USP43: variants seen among roughly 807,000 people sequenced by gnomAD.
USP43 encodes ubiquitin carboxyl-terminal hydrolase 43.
In USP43, 33 loss-of-function variants were observed where a neutral mutation model predicts 90.7. The ratio of observed to expected loss-of-function variants is 0.36; its 90% CI spans 0.28 to 0.49. USP43 has a LOEUF of 0.49. Among genes scored for constraint, USP43 ranks in the 20% least tolerant of loss-of-function variants. The pLI is 0.98. For synonymous variants in USP43, 598 were observed against 615.8 expected (o/e 0.97, Z 0.43); for missense variants, 1,274 against 1,476.4 (o/e 0.86, Z 2.25).
At chr17:9,648,606 TA>T (rs1216377121) in intron 1 of USP43, among the ~76,000 whole-genome samples, 3 of 151,948 alleles carry the variant, frequency 2.0e-5, no homozygotes, top group African/African-American at 7.3e-5. Flanking sequence ...CCTGGAGAGG[TA>T]ACCAACCGCT....
chr17:9,711,711 G>A (rs1382999136), intron 13 of USP43, among the ~76,000 whole-genome samples: 1 of 152,178 alleles, frequency 6.6e-6, no homozygotes, highest in Non-Finnish European at 1.5e-5. Context: ...CATTACAGGC[G>A]TGAGCCACCG....
At chr17:9,677,310 C>T (rs1913848391) in intron 5 of USP43, among the ~76,000 whole-genome samples, 1 of 152,186 alleles carries the variant, frequency 6.6e-6, no homozygotes, top group Admixed American at 6.5e-5. Flanking sequence ...ACGTCACTAG[C>T]TAGTAAGTGG....
intron 2 of USP43, among the ~76,000 whole-genome samples, chr17:9,657,022 T>G (rs1912303183): frequency 6.6e-6 from 1 of 152,152 alleles, no homozygotes; most frequent in Non-Finnish European, 1.5e-5. Context: ...CCCCAAACCT[T>G]TCAGAGGAGG....
At chr17:9,649,560 A>G (rs954787224) in intron 1 of USP43, among the ~76,000 whole-genome samples, 8 of 150,254 alleles carry the variant, frequency 5.3e-5, no homozygotes, top group African/African-American at 1.2e-4. Flanking sequence ...CTCAGTGTCT[A>G]TTGTTCCCTT....
chr17:9,688,130 C>T (rs1018953714), intron 8 of USP43, among the ~76,000 whole-genome samples: 28 of 151,530 alleles, frequency 1.8e-4, no homozygotes, highest in Non-Finnish European at 3.5e-4. Flanking sequence ...GGACTACAGG[C>T]GCCCGCCACC....
intron 14 of USP43, among the ~76,000 whole-genome samples, chr17:9,724,210 G>A (rs1027432620): frequency 3.3e-5 from 5 of 152,046 alleles, no homozygotes; most frequent in Non-Finnish European, 7.4e-5. Flanking sequence ...TTTCTTCCCC[G>A]CTTCGTCCTG....
At chr17:9,664,595 G>A (rs936863678) in intron 2 of USP43, among the ~76,000 whole-genome samples, 3 of 151,990 alleles carry the variant, frequency 2.0e-5, no homozygotes, top group Admixed American at 6.6e-5. Context: ...AAAGTTGAGA[G>A]GTGCTGCTCT....
intron 14 of USP43, among the ~76,000 whole-genome samples, chr17:9,722,764 T>G (rs1407096844): frequency 1.3e-5 from 2 of 152,222 alleles, no homozygotes; most frequent in Non-Finnish European, 2.9e-5. Context: ...ATGAGAGCTT[T>G]GAAAGACTTT....
chr17:9,691,995 T>A (rs1338204921), intron 8 of USP43, among the ~76,000 whole-genome samples: 1 of 149,756 alleles, frequency 6.7e-6, no homozygotes, highest in East Asian at 1.9e-4. Context: ...TGAGCTGAGA[T>A]CACACAACTG....
chr17:9,721,612 T>A (rs527699635), intron 14 of USP43, among the ~76,000 whole-genome samples: 50 of 152,288 alleles, frequency 3.3e-4, no homozygotes, highest in African/African-American at 1.2e-3. Context: ...TCATAACTAT[T>A]AAATTAGGTG....
At chr17:9,704,644 C>A (rs1915772936) in intron 12 of USP43, among the ~76,000 whole-genome samples, 1 of 151,992 alleles carries the variant, frequency 6.6e-6, no homozygotes, top group Non-Finnish European at 1.5e-5. Context: ...TTCAGAGCAT[C>A]CTGGTTTTGT....
chr17:9,696,706 A>G (rs1219847726), intron 9 of USP43, among the ~76,000 whole-genome samples: 3 of 152,118 alleles, frequency 2.0e-5, no homozygotes, highest in Non-Finnish European at 4.4e-5. Context: ...CTTCTAATCT[A>G]CGTGTTATAA....
rs1911313114 is a variant in USP43, at chr17:9,645,588, C to T, written c.-45C>T. ...TAGGGCCTGCTGGCCGCTCGTCCGC[C>T]TCGCGCCCGGGGGCTCCGCGCCTGG... On this transcript the variant is annotated 5_prime_UTR_variant, in exon 1 of 15. Coordinates refer to ENST00000285199, the MANE Select transcript of USP43 (RefSeq NM_153210.5). The surrounding 1 kb of genome is among the most constrained non-coding windows in gnomAD (Gnocchi z 6.8). The T allele has an allele frequency of 8.5e-7, 1 of 1,177,486 alleles. No homozygotes were observed. Among genetic ancestry groups the T allele is most frequent in the Non-Finnish European group, 1.0e-6 (1 of 953,810 alleles). The allele number at this position is 1,177,486 out of a possible 1,614,324, so 72.9% of individuals were successfully genotyped here.
chr17:9,681,329 T>A (rs1462666977), intron 6 of USP43, among the ~76,000 whole-genome samples: 1 of 111,554 alleles, frequency 9.0e-6, no homozygotes, highest in Non-Finnish European at 1.7e-5. Context: ...AATATATATA[T>A]AAATAAATAT....
chr17:9,712,032 A>G lies in USP43; in HGVS notation c.2235A>G (p.Thr745=). ...GGCTCGGGAGCCACGCTGGCAGCACAAGGGGAAGCCTGCTGTCCTGGAGCT... is the reference window on the plus strand; with the variant it reads ...GGCTCGGGAGCCACGCTGGCAGCACGAGGGGAAGCCTGCTGTCCTGGAGCT... The part of the protein sequence containing the change: ...LLRLGSHAGS[T]RGSLLSWSSA... The change falls in exon 14 of 15, where the codon ACA becomes ACG. Residue 745 remains threonine (T), a synonymous_variant. Coordinates refer to ENST00000285199, the MANE Select transcript of USP43 (RefSeq NM_153210.5). 1.2e-6 allele frequency: 2 copies of G among 1,612,498 alleles called. No individual in the cohort carries two copies. Among genetic ancestry groups the G allele is most frequent in the East Asian group, 2.2e-5 (1 of 44,698 alleles).
At chr17:9,647,850 A>C (rs867787916) in intron 1 of USP43, among the ~76,000 whole-genome samples, 1,628 of 92,496 alleles carry the variant, frequency 0.018, 55 homozygotes, top group East Asian at 0.1. Context: ...TAAAAATCCA[A>C]AAAAAAAAAA....
chr17:9,727,800 C>T (rs1307679376), intron 14 of USP43, among the ~76,000 whole-genome samples, 154 bp from the exon 15 acceptor site: 2 of 152,110 alleles, frequency 1.3e-5, no homozygotes, highest in African/African-American at 4.8e-5. Flanking sequence ...GTTGCTGTTC[C>T]CCAAAGGCAG....
intron 4 of USP43, among the ~76,000 whole-genome samples, chr17:9,675,885 C>T (rs1381167393): frequency 6.6e-6 from 1 of 152,198 alleles, no homozygotes; most frequent in Non-Finnish European, 1.5e-5. Context: ...CAGCCTGACA[C>T]AGCACAGCAG....
Position 9,645,656 on chromosome 17 carries a change from G to T in USP43, c.24G>T (p.Ala8=). 1 of 1,243,156 alleles carries T rather than the reference G, an allele frequency of 8.0e-7. No homozygotes were observed. Among genetic ancestry groups the T allele is most frequent in the South Asian group, 3.2e-5 (1 of 31,668 alleles). The allele number at this position is 1,243,156 out of a possible 1,614,324, so 77.0% of individuals were successfully genotyped here. A position where few individuals can be genotyped will look rare whatever the true frequency, so the allele number is the denominator to read the frequency against. ...CCATGGACCTGGGCCCCGGGGACGC[G>T]GCAGGAGGGGGACCGCTCGCGCCCC... MDLGPGD[A]AGGGPLAPRP... Residue 8 remains alanine (A), a synonymous_variant, in exon 1 of 15, where the codon GCG becomes GCT. Transcript: ENST00000285199. This position sits in a 1 kb window ranked among gnomAD's most constrained non-coding sequence, Gnocchi z 6.8.
Sources: allele counts gnomAD v4.1 joint callset (sites outside exome capture counted in the v4.1 genomes callset), GRCh38; gene constraint gnomAD v4.1.1; non-coding constraint Gnocchi (gnomAD v3.1); transcripts MANE v1.5; gene names NCBI Gene and HGNC (gene_info 2026-07-23, HGNC 2026-07-21).